Variants in CNKSR2 observed in about 807,000 individuals in gnomAD.
CNKSR2 encodes CNK homolog protein 2.
CNKSR2 carries 14 observed loss-of-function variants against 84.4 expected under a neutral mutation model. The observed-to-expected ratio is 0.17, with a 90% CI of 0.11 to 0.26. The LOEUF is 0.26. Ranked by LOEUF, CNKSR2 falls within the 10% of genes least tolerant of loss-of-function variation. The pLI is 1.00. For synonymous variants in CNKSR2, 275 were observed against 277.9 expected, an observed-to-expected ratio of 0.99 and a Z score of 0.10; for missense variants, 485 against 771.2, an observed-to-expected ratio of 0.63 and a Z score of 4.40.
At chrX:21,485,098 G>A (rs916109208) in intron 5 of CNKSR2, among the ~76,000 whole-genome samples, 2 of 110,973 alleles carry the variant, frequency 1.8e-5, no homozygotes, top group Non-Finnish European at 3.8e-5. Flanking sequence ...CAGGAGAATA[G>A]CTTGAACCCG....
intron 4 of CNKSR2, among the ~76,000 whole-genome samples, chrX:21,467,768 C>A (rs1430189682): frequency 3.6e-5 from 4 of 110,582 alleles, no homozygotes; most frequent in Non-Finnish European, 7.6e-5. Context: ...ATATATCTCC[C>A]TTAAACTTTC....
At chrX:21,565,485 A>C (rs759892645) in intron 13 of CNKSR2, among the ~76,000 whole-genome samples, 9 of 111,760 alleles carry the variant, frequency 8.1e-5, no homozygotes, top group Non-Finnish European at 1.7e-4. Flanking sequence ...CTAAGAAAGA[A>C]ATCAGAGTCC....
At chrX:21,476,372 C>T (rs2091260861) in intron 5 of CNKSR2, among the ~76,000 whole-genome samples, 1 of 111,278 alleles carries the variant, frequency 9.0e-6, no homozygotes, top group Non-Finnish European at 1.9e-5. Flanking sequence ...AATTAATTTG[C>T]ATTTCTTTCA....
At chrX:21,493,404 T>C (rs2091462149) in intron 6 of CNKSR2, 1 of 111,832 alleles carries the variant, frequency 8.9e-6, no homozygotes, top group African/African-American at 3.2e-5. Flanking sequence ...CATCTCCAAA[T>C]ATGCCTTATT....
At chrX:21,409,828 T>C (rs951359399) in intron 1 of CNKSR2, among the ~76,000 whole-genome samples, 1 of 111,558 alleles carries the variant, frequency 9.0e-6, no homozygotes, top group Non-Finnish European at 1.9e-5. Context: ...TTTATTCAAA[T>C]AAACATAATT....
intron 13 of CNKSR2, among the ~76,000 whole-genome samples, chrX:21,587,575 A>G (rs1170820757): frequency 9.0e-6 from 1 of 111,576 alleles, no homozygotes; most frequent in Non-Finnish European, 1.9e-5. Context: ...AAATTTGCAT[A>G]ATCTTAAAAC....
chrX:21,383,897 T>G (rs1263726431), intron 1 of CNKSR2, among the ~76,000 whole-genome samples: 1 of 112,027 alleles, frequency 8.9e-6, no homozygotes, highest in Non-Finnish European at 1.9e-5. Context: ...ATGTAATTTA[T>G]TAGTAAAAAC....
rs113830706 is a variant in CNKSR2 at position 21,453,137 on chromosome X, G to C, written c.519+12356G>C. Among the ~76,000 whole-genome samples the C allele has an allele frequency of 9.9e-3, 1,100 of 111,250 alleles. 14 individuals are homozygous for C. The highest frequency in any genetic ancestry group is 0.033 in the African/African-American group (997 of 30,671). On this transcript the variant is annotated intron_variant, in intron 4 of 21. Transcript: ENST00000379510. ...GAAATGGAGAATAATGTAAGAAGCAGACATGGACCAACACTTCAAATTGAT... is the reference window on the plus strand; with the variant it reads ...GAAATGGAGAATAATGTAAGAAGCACACATGGACCAACACTTCAAATTGAT...
chrX:21,562,365 G>A (rs748905052), intron 12 of CNKSR2, among the ~76,000 whole-genome samples: 4 of 111,194 alleles, frequency 3.6e-5, no homozygotes, highest in East Asian at 2.8e-4. Flanking sequence ...TGTTTGACCC[G>A]TTTTCTTGTT....
At chrX:21,474,348 G>A (rs746606523) in intron 5 of CNKSR2, among the ~76,000 whole-genome samples, 20 of 111,658 alleles carry the variant, frequency 1.8e-4, no homozygotes, top group Middle Eastern at 4.7e-3. Context: ...ACTCAGAAGA[G>A]ACACTGGGAA....
chrX:21,480,930 G>T (rs1168400544), intron 5 of CNKSR2, among the ~76,000 whole-genome samples: 1 of 111,946 alleles, frequency 8.9e-6, no homozygotes, highest in Non-Finnish European at 1.9e-5. Flanking sequence ...AAAGCACAGT[G>T]GTTAAGCACG....
chrX:21,493,949 T>A (rs1405655882), intron 6 of CNKSR2: 1 of 111,935 alleles, frequency 8.9e-6, no homozygotes, highest in Non-Finnish European at 1.9e-5. Context: ...AAATTTGTTT[T>A]ATTTCTACCC....
chrX:21,544,428 G>A (rs1318270426), intron 11 of CNKSR2, among the ~76,000 whole-genome samples: 2 of 111,304 alleles, frequency 1.8e-5, no homozygotes, highest in East Asian at 5.6e-4. Context: ...TAAAGTTTTT[G>A]ATTAGTTGCT....
chrX:21,478,538 A>G (rs1370962064), intron 5 of CNKSR2, among the ~76,000 whole-genome samples: 1 of 112,137 alleles, frequency 8.9e-6, no homozygotes. Context: ...CATTTGCTGA[A>G]CACATTATGC....
chrX:21,598,101 T>G (rs2092460424), intron 17 of CNKSR2, among the ~76,000 whole-genome samples: 1 of 109,901 alleles, frequency 9.1e-6, no homozygotes, highest in Non-Finnish European at 1.9e-5. Context: ...AAATATCACC[T>G]TCTATTTTGA....
At chrX:21,587,306 A>T (rs1217167578) in intron 13 of CNKSR2, among the ~76,000 whole-genome samples, 1 of 112,165 alleles carries the variant, frequency 8.9e-6, no homozygotes, top group Non-Finnish European at 1.9e-5. Flanking sequence ...AGAGTTTGCC[A>T]CTCACAGACT....
chrX:21,606,211 T>C (rs991632811), intron 18 of CNKSR2, among the ~76,000 whole-genome samples: 5 of 111,826 alleles, frequency 4.5e-5, no homozygotes, highest in Non-Finnish European at 9.4e-5. Flanking sequence ...GAATTTGCCA[T>C]GTGTTTCCAA....
At position 21,648,820 on chromosome X, in the gene CNKSR2, G is replaced by GTTTTTT. The variant is rs2147346362; in HGVS notation, c.2693-11_2693-10insTTTTTT. ...TTTTTTTTTTTTTTTTTTTTTTTTT[G>GTTTTTT]GATGTTGCAGGTGAAAGCAGAGAAG... On this transcript the variant is annotated splice_polypyrimidine_tract_variant and intron_variant, in intron 20 of 21. Coordinates refer to ENST00000379510, the MANE Select transcript of CNKSR2 (RefSeq NM_014927.5). 8.4e-5 allele frequency: 32 copies of GTTTTTT among 379,310 alleles called. No homozygotes were observed. Among genetic ancestry groups the GTTTTTT allele is most frequent in the East Asian group, 2.0e-4 (3 of 14,979 alleles). 31.3% of individuals were successfully genotyped at this position (379,310 alleles called of 1,213,427 possible).
chrX:21,571,315 C>T (rs1421105316), intron 13 of CNKSR2, among the ~76,000 whole-genome samples: 1 of 111,759 alleles, frequency 8.9e-6, no homozygotes, highest in Non-Finnish European at 1.9e-5. Context: ...CACATGCTAT[C>T]GGAAAAATGG....
Sources: gnomAD v4.1 joint callset for allele counts (sites outside exome capture counted in the v4.1 genomes callset) on GRCh38, gnomAD v4.1.1 for gene constraint, MANE v1.5 for transcripts, NCBI Gene and HGNC (gene_info 2026-07-23, HGNC 2026-07-21) for gene names.